SMYD1: variants seen among roughly 807,000 people sequenced by gnomAD.
The protein encoded by SMYD1 is histone-lysine N-methyltransferase SMYD1.
SMYD1 carries 49 observed loss-of-function variants against 54.0 expected under a neutral mutation model. That is an observed-to-expected ratio of 0.91 (90% CI 0.72 to 1.15). The LOEUF (loss-of-function observed/expected upper bound fraction) is 1.15. SMYD1 is among the 50% of genes most tolerant of loss of function. The pLI, the probability that SMYD1 is intolerant of heterozygous loss-of-function variation, is 0.00. For synonymous variants in SMYD1, 269 were observed against 234.2 expected (o/e 1.15, Z -1.36); for missense variants, 653 against 639.6 (o/e 1.02, Z -0.23).
At chr2:88,088,820 G>A in intron 3 of SMYD1, among the ~76,000 whole-genome samples, 1 of 152,142 alleles carries the variant, frequency 6.6e-6, no homozygotes. Context: ...CAGGGTTTTG[G>A]GGTGGGAGCA....
At chr2:88,076,678 A>G (rs1216360041) in intron 1 of SMYD1, among the ~76,000 whole-genome samples, 1 of 152,118 alleles carries the variant, frequency 6.6e-6, no homozygotes, top group Non-Finnish European at 1.5e-5. Context: ...TTGTGAAGTT[A>G]TCTGGGTACT....
Position 88,085,988 on chromosome 2 carries a change from C to A in SMYD1, c.314+1496C>A, listed in dbSNP as rs191409640. ...AATGGTTCAAAAAGAGGTGGGGGGA[C>A]AGAAGGGACCCTGAGGTGATGGCAC... On this transcript the variant is annotated intron_variant, in intron 2 of 9. Coordinates refer to ENST00000419482, the MANE Select transcript of SMYD1 (RefSeq NM_198274.4). 6.4e-3 allele frequency among the ~76,000 whole-genome samples: 971 copies of A among 152,266 alleles called. 4 individuals are homozygous for A. Among genetic ancestry groups the A allele is most frequent in the Non-Finnish European group, 9.0e-3 (612 of 68,024 alleles).
At chr2:88,088,142 G>A in intron 3 of SMYD1, 67 bp downstream of exon 3, 1 of 1,474,616 alleles carries the variant, frequency 6.8e-7, no homozygotes, top group Non-Finnish European at 9.1e-7. Flanking sequence ...CCTCCCACTT[G>A]GGGAGGGTGG....
chr2:88,104,999 C>G (rs1368819148), intron 7 of SMYD1, among the ~76,000 whole-genome samples: 1 of 152,228 alleles, frequency 6.6e-6, no homozygotes, highest in Non-Finnish European at 1.5e-5. Flanking sequence ...TTCAGTAGGA[C>G]ATAATTATTC....
At chr2:88,072,540 C>A (rs1465436312) in intron 1 of SMYD1, among the ~76,000 whole-genome samples, 1 of 152,162 alleles carries the variant, frequency 6.6e-6, no homozygotes, top group Non-Finnish European at 1.5e-5. Flanking sequence ...AAGTTTATTT[C>A]AGAATGGAGG....
intron 7 of SMYD1, among the ~76,000 whole-genome samples, chr2:88,105,422 G>T (rs1304006417): frequency 1.3e-5 from 2 of 151,766 alleles, no homozygotes; most frequent in Non-Finnish European, 2.9e-5. Context: ...TAGAGAATTG[G>T]TTCTAGGACT....
chr2:88,104,791 C>T (rs987200258), intron 7 of SMYD1, among the ~76,000 whole-genome samples: 1 of 152,202 alleles, frequency 6.6e-6, no homozygotes, highest in African/African-American at 2.4e-5. Flanking sequence ...ACAACAAACA[C>T]CTAAAATCTA....
rs553385633 is a variant in SMYD1, at chr2:88,093,667, T to A, written c.698+112T>A. ...TCTTGGCTGCCATCTGTCCATAACGTCCTTCTGCATCCCAGTGTCTCATCT... is the reference window on the plus strand; with the variant it reads ...TCTTGGCTGCCATCTGTCCATAACGACCTTCTGCATCCCAGTGTCTCATCT... On this transcript the variant is annotated intron_variant, in intron 5 of 9. Transcript: ENST00000419482. 1.4e-5 allele frequency: 16 copies of A among 1,121,604 alleles called. No homozygotes were observed. The African/African-American group carries it at 2.3e-4, about 16-fold the overall frequency. 69.5% of individuals were successfully genotyped at this position (1,121,604 alleles called of 1,614,324 possible).
chr2:88,068,141 T>C, intron 1 of SMYD1, 140 bp downstream of exon 1: 7 of 1,220,664 alleles, frequency 5.7e-6, no homozygotes, highest in Non-Finnish European at 7.8e-6. Context: ...TTCTGAGAGC[T>C]AATTTTTCTG....
intron 4 of SMYD1, among the ~76,000 whole-genome samples, chr2:88,091,491 G>C (rs1401582298): frequency 6.6e-6 from 1 of 152,106 alleles, no homozygotes; most frequent in Non-Finnish European, 1.5e-5. Context: ...CACTCAAAAG[G>C]TTTTACCCAA....
intron 7 of SMYD1, among the ~76,000 whole-genome samples, chr2:88,104,378 A>G (rs1674807701): frequency 6.6e-6 from 1 of 152,186 alleles, no homozygotes; most frequent in African/African-American, 2.4e-5. Context: ...CCTTGCCTGG[A>G]AGGAGTTCTG....
At position 88,111,771 on chromosome 2, in the gene SMYD1, T is replaced by C; in HGVS notation, c.*1259T>C. ...GTCCCAAGATTAGCCTGTTATCCTG[T>C]TATCTACTGAGACCCCAAATTTCTC... On this transcript the variant is annotated 3_prime_UTR_variant, in exon 10 of 10. Transcript: ENST00000419482. 9.4e-6 allele frequency: 3 copies of C among 320,632 alleles called. No homozygotes were observed. Among genetic ancestry groups the C allele is most frequent in the Non-Finnish European group, 1.2e-5 (2 of 170,208 alleles). The allele number at this position is 320,632 out of a possible 1,614,324, so 19.9% of individuals were successfully genotyped here. A position where few individuals can be genotyped will look rare whatever the true frequency, so the allele number is the denominator to read the frequency against.
At chr2:88,098,269 T>C (rs1015966254) in intron 6 of SMYD1, among the ~76,000 whole-genome samples, 1 of 152,196 alleles carries the variant, frequency 6.6e-6, no homozygotes, top group Non-Finnish European at 1.5e-5. Context: ...AAAACAACCA[T>C]GCGATCATTT....
chr2:88,104,169 T>C (rs1282616074), intron 7 of SMYD1, among the ~76,000 whole-genome samples: 1 of 152,136 alleles, frequency 6.6e-6, no homozygotes, highest in East Asian at 1.9e-4. Flanking sequence ...GGTTTCACCA[T>C]GTTAGCCAGG....
intron 1 of SMYD1, among the ~76,000 whole-genome samples, chr2:88,072,352 T>C (rs1455620333): frequency 2.0e-5 from 3 of 152,212 alleles, no homozygotes; most frequent in African/African-American, 7.2e-5. Flanking sequence ...GGTTTCACCC[T>C]GTTGCCCAGG....
intron 3 of SMYD1, among the ~76,000 whole-genome samples, chr2:88,088,975 C>T (rs112757174): frequency 2.0e-4 from 30 of 152,170 alleles, no homozygotes; most frequent in African/African-American, 6.3e-4. Context: ...AGGCTGAGGA[C>T]GGAGGAGGAC....
At chr2:88,104,420 G>A in intron 7 of SMYD1, among the ~76,000 whole-genome samples, 1 of 152,184 alleles carries the variant, frequency 6.6e-6, no homozygotes, top group African/African-American at 2.4e-5. Context: ...CACACAAAGT[G>A]TTATTGTACA....
Sources: gnomAD v4.1 joint callset for allele counts (sites outside exome capture counted in the v4.1 genomes callset) on GRCh38, gnomAD v4.1.1 for gene constraint, MANE v1.5 for transcripts, NCBI Gene and HGNC (gene_info 2026-07-23, HGNC 2026-07-21) for gene names.